The following ESYT2 variants were observed in gnomAD, a reference collection of about 807,000 sequenced individuals.
ESYT2 encodes the protein extended synaptotagmin-2.
In ESYT2, 54 loss-of-function variants were observed where a neutral mutation model predicts 107.2. The ratio of observed to expected loss-of-function variants is 0.50; its 90% CI spans 0.40 to 0.63. The LOEUF (loss-of-function observed/expected upper bound fraction) is 0.63, where lower values mean the gene tolerates loss of function less well. ESYT2 is among the 30% of genes least tolerant of loss of function. The pLI is 0.00. For missense variants in ESYT2, 1,020 were observed against 1,094.5 expected, an observed-to-expected ratio of 0.93 and a Z score of 0.96; for synonymous variants, 491 against 434.1, an observed-to-expected ratio of 1.13 and a Z score of -1.63.
intron 2 of ESYT2, among the ~76,000 whole-genome samples, chr7:158,798,506 C>T (rs1008378447): frequency 7.9e-5 from 12 of 151,686 alleles, no homozygotes; most frequent in Non-Finnish European, 1.6e-4. Context: ...ATTAGCCAGG[C>T]GTGGTGGTGC....
intron 6 of ESYT2, among the ~76,000 whole-genome samples, chr7:158,787,436 A>G (rs1334828199): frequency 6.6e-6 from 1 of 152,216 alleles, no homozygotes; most frequent in Non-Finnish European, 1.5e-5. Context: ...ACAGTTCATT[A>G]AACACACCCC....
chr7:158,780,591 A>G (rs1176671513), intron 6 of ESYT2, among the ~76,000 whole-genome samples: 1 of 152,268 alleles, frequency 6.6e-6, no homozygotes, highest in Non-Finnish European at 1.5e-5. Flanking sequence ...AGTATTAAAA[A>G]CACAAAACAA....
intron 8 of ESYT2, among the ~76,000 whole-genome samples, chr7:158,765,849 A>T (rs1838141798): frequency 6.6e-6 from 1 of 152,180 alleles, no homozygotes; most frequent in Admixed American, 6.5e-5. Flanking sequence ...GCAAACAAAG[A>T]TGCTCAAGTC....
At chr7:158,770,080 G>A (rs1288365576) in intron 7 of ESYT2, among the ~76,000 whole-genome samples, 3 of 151,876 alleles carry the variant, frequency 2.0e-5, no homozygotes, top group African/African-American at 7.3e-5. Flanking sequence ...TAGTAGAGAT[G>A]GGATTTCACT....
At chr7:158,767,456 G>C (rs1035234552) in intron 8 of ESYT2, among the ~76,000 whole-genome samples, 198 bp downstream of exon 8, 3 of 152,166 alleles carry the variant, frequency 2.0e-5, no homozygotes, top group Non-Finnish European at 2.9e-5. Flanking sequence ...CTGTCTCCAC[G>C]ACAAGCTTTA....
chr7:158,781,323 A>G (rs1333562431), intron 6 of ESYT2, among the ~76,000 whole-genome samples: 1 of 149,342 alleles, frequency 6.7e-6, no homozygotes, highest in Non-Finnish European at 1.5e-5. Context: ...GTGAGAGTGA[A>G]CGAGTGTTGA....
At position 158,781,148 on chromosome 7, in the gene ESYT2, G is replaced by T. The variant is rs573040985; in HGVS notation, c.747+6856C>A. ...ACGAGAACAAGTGTGAAACGAATGTGAGAACAGTGTGAGGTGTGAGGAGTG... is the reference window on the plus strand; with the variant it reads ...ACGAGAACAAGTGTGAAACGAATGTTAGAACAGTGTGAGGTGTGAGGAGTG... On this transcript the variant is annotated intron_variant, in intron 6 of 22. Transcript: ENST00000275418. Among the ~76,000 whole-genome samples, 4 of 152,272 alleles carry T rather than the reference G, an allele frequency of 2.6e-5. No homozygotes were observed. The South Asian group carries it at 8.3e-4, about 32-fold the overall frequency.
In ESYT2 at chr7:158,799,062, G is replaced by A. The variant is rs141870305; in HGVS notation, c.341C>T (p.Pro114Leu). The change falls in exon 2 of 23, where the codon CCA becomes CTA. Residue 114 changes from proline to leucine, a missense_variant. By Grantham distance (98) the Pro-to-Leu change is moderately conservative (BLOSUM62 -3). Coordinates refer to ENST00000275418, the MANE Select transcript of ESYT2 (RefSeq NM_001367773.1). The stretch of plus-strand genomic sequence containing the variant: ...TAGCCATTCTGCTCTTTCAGTGTCT[G>A]GAAAATGAACCTAGGAGGAAAATAC... ...ACDLPAWVHF[P>L]DTERAEWLNK... 1.5e-4 allele frequency: 238 copies of A among 1,613,556 alleles called. No individual in the cohort carries two copies. Among genetic ancestry groups the A allele is most frequent in the Non-Finnish European group, 1.8e-4 (215 of 1,179,628 alleles).
Position 158,764,788 on chromosome 7 carries a change from T to G in ESYT2, c.990A>C (p.Gly330=). The change falls in exon 9 of 23, where the codon GGA becomes GGC. Residue 330 remains glycine (G), a synonymous_variant. Transcript: ENST00000275418. ...DLQGKDTYLK[G]LVKGKSDPYG... is the part of the protein sequence containing the mutation. ...AGGGGTCTGACTTTCCCTTGACAAGTCCCTTAAGGTAAGTGTCTTTCCCCT... is the reference window on the plus strand; with the variant it reads ...AGGGGTCTGACTTTCCCTTGACAAGGCCCTTAAGGTAAGTGTCTTTCCCCT... 6.2e-7 allele frequency: 1 copy of G among 1,614,184 alleles called. No individual in the cohort carries two copies. Among genetic ancestry groups the G allele is most frequent in the African/African-American group, 1.3e-5 (1 of 75,056 alleles).
At chr7:158,794,435 AGT>A (rs1839401132) in intron 3 of ESYT2, among the ~76,000 whole-genome samples, 1 of 152,232 alleles carries the variant, frequency 6.6e-6, no homozygotes, top group Non-Finnish European at 1.5e-5. Flanking sequence ...TTGAGGCTGC[AGT>A]GAGCTATGAT....
chr7:158,781,353 T>C (rs983427462), intron 6 of ESYT2, among the ~76,000 whole-genome samples: 2 of 151,120 alleles, frequency 1.3e-5, no homozygotes, highest in Non-Finnish European at 2.9e-5. Context: ...GTGAGGTATG[T>C]GTAAGAACGA....
chr7:158,791,048 G>A (rs11984006), intron 4 of ESYT2, among the ~76,000 whole-genome samples: 19,633 of 152,012 alleles, frequency 0.13, 1,914 homozygotes, highest in East Asian at 0.43. Flanking sequence ...ATCCGTCTCC[G>A]GACCATTTTT....
At position 158,734,243 on chromosome 7, in the gene ESYT2, GA is replaced by G. The variant is rs1836837767; in HGVS notation, c.2564del (p.Leu855ProfsTer11). The G allele has an allele frequency of 6.2e-7, 1 of 1,614,008 alleles. No homozygotes were observed. Among genetic ancestry groups the G allele is most frequent in the African/African-American group, 1.3e-5 (1 of 74,932 alleles). ...CCTGAGGCCTCGTCCCATCTTCCGT[GA>G]GGTCATACCTGAGAAAGACAGTGAC... ...LAKGWTQWYD[L>X]TEDGTRPQAM... On this transcript the variant is annotated frameshift_variant, in exon 23 of 23. Transcript: ENST00000275418. LOFTEE classifies it high-confidence loss of function.
chr7:158,801,328 C>T (rs1186160527), intron 1 of ESYT2, among the ~76,000 whole-genome samples: 2 of 152,090 alleles, frequency 1.3e-5, no homozygotes, highest in African/African-American at 4.8e-5. Context: ...TAGTGTTATC[C>T]CAAGGCATTC....
At chr7:158,754,874 A>C (rs997444201) in intron 13 of ESYT2, among the ~76,000 whole-genome samples, 5 of 152,102 alleles carry the variant, frequency 3.3e-5, no homozygotes, top group Admixed American at 6.5e-5. Context: ...TAAAGTGATA[A>C]TGAGGGTCTG....
In ESYT2 at chr7:158,829,140, G is replaced by A. The variant is rs778677319; in HGVS notation, c.279C>T (p.Asp93=). The change falls in exon 1 of 23, where the codon GAC becomes GAT. Residue 93 remains aspartate (D), a synonymous_variant. Transcript: ENST00000275418. ...RLCRALALLE[D]EERVVRLGVR... ...CCCCCAGGCGCACGACGCGCTCCTC[G>A]TCTTCCAGCAGCGCCAGCGCGCGGC... 29 of 1,569,010 alleles carry A rather than the reference G, an allele frequency of 1.8e-5. No individual in the cohort carries two copies. The highest frequency in any genetic ancestry group is 2.1e-5 in the Non-Finnish European group (24 of 1,166,668).
intron 13 of ESYT2, 41 bp from the exon 14 acceptor site, chr7:158,752,884 A>G: frequency 8.2e-7 from 1 of 1,221,162 alleles, no homozygotes; most frequent in Non-Finnish European, 1.1e-6. Flanking sequence ...AGGGTTAATA[A>G]AACATGCAAT....
chr7:158,738,172 C>A (rs764577995), intron 19 of ESYT2, among the ~76,000 whole-genome samples: 6 of 151,954 alleles, frequency 3.9e-5, no homozygotes, highest in Non-Finnish European at 7.4e-5. Flanking sequence ...GTTAGTCGGA[C>A]GAGGTAGTGC....
intron 11 of ESYT2, 72 bp from the exon 12 acceptor site, chr7:158,760,219 A>C: frequency 7.2e-7 from 1 of 1,392,690 alleles, no homozygotes; most frequent in East Asian, 2.3e-5. Flanking sequence ...CCCAGTCTCT[A>C]CAAATGTTCC....
Sources: allele counts gnomAD v4.1 joint callset (sites outside exome capture counted in the v4.1 genomes callset), GRCh38; gene constraint gnomAD v4.1.1; transcripts MANE v1.5; gene names NCBI Gene and HGNC (gene_info 2026-07-23, HGNC 2026-07-21).